GRIN2B: variants seen among roughly 807,000 people sequenced by gnomAD.
GRIN2B encodes the protein glutamate ionotropic receptor NMDA type subunit 2B, also known as glutamate receptor ionotropic, NMDA 2B.
GRIN2B carries 5 observed loss-of-function variants against 114.5 expected under a neutral mutation model. The observed-to-expected ratio is 0.04, with a 90% CI of 0.02 to 0.09. GRIN2B has a LOEUF of 0.09. Among genes scored for constraint, GRIN2B ranks in the 10% least tolerant of loss-of-function variants. GRIN2B has a pLI of 1.00. For missense variants in GRIN2B, 1,108 were observed against 1,943.5 expected (o/e 0.57, Z 8.08); for synonymous variants, 787 against 745.1 (o/e 1.06, Z -0.92).
At chr12:13,577,617 T>G (rs1948794245) in intron 10 of GRIN2B, among the ~76,000 whole-genome samples, 1 of 152,208 alleles carries the variant, frequency 6.6e-6, no homozygotes, top group Non-Finnish European at 1.5e-5. Flanking sequence ...TATAAATTGA[T>G]TTTCCTATGT....
At chr12:13,910,813 A>G (rs1015454477) in intron 2 of GRIN2B, among the ~76,000 whole-genome samples, 1 of 152,122 alleles carries the variant, frequency 6.6e-6, no homozygotes, top group Admixed American at 6.5e-5. Context: ...ATAGATTTTT[A>G]CTTTCATCTC....
intron 2 of GRIN2B, among the ~76,000 whole-genome samples, chr12:13,913,075 G>A (rs1336281520): frequency 2.0e-5 from 3 of 152,110 alleles, no homozygotes; most frequent in East Asian, 3.9e-4. Context: ...GAGTAACAGT[G>A]GCAGTGGAAA....
At chr12:13,616,708 A>C in intron 5 of GRIN2B, 51 bp from the exon 6 acceptor site, 1 of 1,390,416 alleles carries the variant, frequency 7.2e-7, no homozygotes, top group Non-Finnish European at 1.0e-6. Flanking sequence ...CAACATAACA[A>C]ACAGCCTGTC....
At chr12:13,606,521 G>T (rs898578735) in intron 10 of GRIN2B, among the ~76,000 whole-genome samples, 1 of 152,184 alleles carries the variant, frequency 6.6e-6, no homozygotes, top group Non-Finnish European at 1.5e-5. Flanking sequence ...CCAAACACTG[G>T]CCATTAGGCC....
chr12:13,715,175 C>A (rs1950444605), intron 4 of GRIN2B, among the ~76,000 whole-genome samples: 1 of 151,798 alleles, frequency 6.6e-6, no homozygotes, highest in Non-Finnish European at 1.5e-5. Context: ...TTAAAAATGA[C>A]CTGACAGGGT....
At chr12:13,648,311 T>C (rs1949782201) in intron 5 of GRIN2B, among the ~76,000 whole-genome samples, 1 of 152,030 alleles carries the variant, frequency 6.6e-6, no homozygotes, top group Non-Finnish European at 1.5e-5. Context: ...GAGTTTTACA[T>C]AGCTCTCACC....
chr12:13,615,376 T>A lies in GRIN2B; in HGVS notation c.1501-109A>T, dbSNP rs1949423713. ...TTCTTTGTATAGTGGGAACAATACA[T>A]CTTATTTGCCATTTTATATTTTCTG... On this transcript the variant is annotated intron_variant, in intron 7 of 13. Transcript: ENST00000609686. This position sits in a 1 kb window ranked among gnomAD's most constrained non-coding sequence, Gnocchi z 5.8. 3.6e-6 allele frequency: 5 copies of A among 1,404,052 alleles called. No homozygotes were observed. Among genetic ancestry groups the A allele is most frequent in the Non-Finnish European group, 5.1e-6 (5 of 989,104 alleles). The allele number at this position is 1,404,052 out of a possible 1,614,324, so 87.0% of individuals were successfully genotyped here. A position where few individuals can be genotyped will look rare whatever the true frequency, so the allele number is the denominator to read the frequency against.
At chr12:13,857,886 T>A (rs942042132) in intron 3 of GRIN2B, among the ~76,000 whole-genome samples, 14 of 152,162 alleles carry the variant, frequency 9.2e-5, no homozygotes, top group South Asian at 2.1e-4. Context: ...CTTCGTTAAG[T>A]ATGAGCATGA....
intron 2 of GRIN2B, among the ~76,000 whole-genome samples, chr12:13,927,834 GTA>G (rs1368993850): frequency 1.3e-5 from 2 of 151,688 alleles, no homozygotes; most frequent in South Asian, 2.1e-4. Flanking sequence ...GGGTGTTGTG[GTA>G]CATGCCTGTA....
chr12:13,718,733 T>C (rs1435255148), intron 4 of GRIN2B, among the ~76,000 whole-genome samples: 5 of 152,028 alleles, frequency 3.3e-5, no homozygotes, highest in Admixed American at 3.3e-4. Flanking sequence ...TTGAACTTAG[T>C]AGAGATGACA....
Position 13,553,890 on chromosome 12 carries a change from G to A in GRIN2B, c.*8893C>T, listed in dbSNP as rs1259018586. 3 of 152,044 alleles carry A rather than the reference G, an allele frequency of 2.0e-5. No individual in the cohort carries two copies. Among genetic ancestry groups the A allele is most frequent in the Non-Finnish European group, 2.9e-5 (2 of 68,012 alleles). The allele number at this position is 152,044 out of a possible 1,614,324, so 9.4% of individuals were successfully genotyped here. On this transcript the variant is annotated 3_prime_UTR_variant, in exon 14 of 14. Transcript: ENST00000609686. ...AGTACACTTTCCTAACCATAAAACA[G>A]TCCAAAACAACTTCAAAGGACAAAG...
chr12:13,926,148 G>A (rs956350923), intron 2 of GRIN2B, among the ~76,000 whole-genome samples: 2 of 152,118 alleles, frequency 1.3e-5, no homozygotes, highest in African/African-American at 2.4e-5. Context: ...GGGAAATGGT[G>A]CAAATTGAGA....
chr12:13,806,333 T>A (rs2136678926), intron 3 of GRIN2B, among the ~76,000 whole-genome samples: 1 of 152,278 alleles, frequency 6.6e-6, no homozygotes, highest in Non-Finnish European at 1.5e-5. Flanking sequence ...TAATTTACAT[T>A]CTCACCCACG....
At chr12:13,929,002 G>A (rs1406593197) in intron 2 of GRIN2B, among the ~76,000 whole-genome samples, 2 of 152,070 alleles carry the variant, frequency 1.3e-5, no homozygotes, top group Non-Finnish European at 2.9e-5. Flanking sequence ...TATGTAGTAT[G>A]TATTATGATT....
At chr12:13,800,818 T>G (rs1864497012) in intron 3 of GRIN2B, among the ~76,000 whole-genome samples, 1 of 152,188 alleles carries the variant, frequency 6.6e-6, no homozygotes, top group Non-Finnish European at 1.5e-5. Flanking sequence ...TGTCAAAAAT[T>G]CACTTTGTAT....
rs60291696 is a variant in GRIN2B at position 13,843,026 on chromosome 12, ATTATTTATTTATTTAT to A, written c.411+22756_411+22771del. On this transcript the variant is annotated intron_variant, in intron 3 of 13. Coordinates refer to ENST00000609686, the MANE Select transcript of GRIN2B (RefSeq NM_000834.5). ...TAATTTTTACTTTTTAAAATTTTTT[ATTATTTATTTATTTAT>A]TTATTTATTTATATTTTATTTTAAG... Among the ~76,000 whole-genome samples the A allele has an allele frequency of 5.1e-5, 6 of 117,094 alleles. No individual in the cohort carries two copies. The South Asian group carries it at 1.3e-3, about 26-fold the overall frequency. The allele number at this position is 117,094 out of a possible 152,430, so 76.8% of individuals were successfully genotyped here.
intron 9 of GRIN2B, chr12:13,610,153 A>G (rs1949348604): frequency 6.6e-6 from 1 of 152,210 alleles, no homozygotes; most frequent in African/African-American, 2.4e-5. Context: ...AACTGTGCAC[A>G]CACATCTGTG....
chr12:13,846,334 T>A (rs1401873131), intron 3 of GRIN2B, among the ~76,000 whole-genome samples: 1 of 152,222 alleles, frequency 6.6e-6, no homozygotes, highest in South Asian at 2.1e-4. Context: ...CCATAAGACT[T>A]AAATTATTTT....
Position 13,754,909 on chromosome 12 carries a change from C to T in GRIN2B, c.412-994G>A, listed in dbSNP as rs376187268. Among the ~76,000 whole-genome samples the T allele has an allele frequency of 3.9e-5, 6 of 152,264 alleles. No homozygotes were observed. In the East Asian group the frequency reaches 9.7e-4, roughly 25 times the overall value. On this transcript the variant is annotated intron_variant, in intron 3 of 13. Coordinates refer to ENST00000609686, the MANE Select transcript of GRIN2B (RefSeq NM_000834.5). ...CCCATTTTAAGCTGTGTTTCACCTG[C>T]TGTTCTGAGATATCAAGTCCTGCAT... is the stretch of plus-strand genomic sequence containing the variant.
Sources: gnomAD v4.1 joint callset for allele counts (sites outside exome capture counted in the v4.1 genomes callset) on GRCh38, gnomAD v4.1.1 for gene constraint, Gnocchi (gnomAD v3.1) non-coding constraint, MANE v1.5 for transcripts, NCBI Gene and HGNC (gene_info 2026-07-23, HGNC 2026-07-21) for gene names.